RHOH: variants seen among roughly 807,000 people sequenced by gnomAD.
RHOH encodes the protein rho-related GTP-binding protein RhoH.
RHOH carries 6 observed loss-of-function variants against 13.8 expected under a neutral mutation model. The ratio of observed to expected loss-of-function variants is 0.44; its 90% CI spans 0.24 to 0.86. The LOEUF (loss-of-function observed/expected upper bound fraction) is 0.86. RHOH is among the 40% of genes least tolerant of loss of function. RHOH has a pLI of 0.24. For synonymous variants in RHOH, 117 were observed against 103.0 expected (o/e 1.14, Z -0.82); for missense variants, 147 against 244.5 (o/e 0.60, Z 2.66).
chr4:40,231,497 G>T (rs1332604548), intron 1 of RHOH, among the ~76,000 whole-genome samples: 1 of 152,046 alleles, frequency 6.6e-6, no homozygotes, highest in African/African-American at 2.4e-5. Flanking sequence ...TCCTGAAAGC[G>T]CTCTGTCTCT....
upstream of RHOH, among the ~76,000 whole-genome samples, chr4:40,191,567 T>G (rs1347107899): frequency 6.6e-6 from 1 of 152,210 alleles, no homozygotes; most frequent in African/African-American, 2.4e-5. Flanking sequence ...TGACAGACTT[T>G]TTAGAAAAAG....
chr4:40,192,413 G>A (rs991416338), upstream of RHOH, among the ~76,000 whole-genome samples: 6 of 152,162 alleles, frequency 3.9e-5, no homozygotes, highest in African/African-American at 1.4e-4. Flanking sequence ...CTAACCCAGC[G>A]TTGAAATAAT....
upstream of RHOH, among the ~76,000 whole-genome samples, chr4:40,194,539 GTTATTA>G (rs1560674593): frequency 1.3e-5 from 2 of 151,468 alleles, no homozygotes; most frequent in Admixed American, 6.6e-5. Flanking sequence ...TATTGTCATT[GTTATTA>G]TTAGTATTAT....
chr4:40,193,170 G>A (rs895279773), upstream of RHOH: 1 of 152,466 alleles, frequency 6.6e-6, no homozygotes, highest in Non-Finnish European at 1.5e-5. Flanking sequence ...GAGCCCTTGG[G>A]AGGGCACCTC....
intron 1 of RHOH, among the ~76,000 whole-genome samples, chr4:40,208,512 T>C (rs966566888): frequency 4.6e-5 from 7 of 152,218 alleles, no homozygotes; most frequent in Non-Finnish European, 8.8e-5. Flanking sequence ...AACAATATCA[T>C]CAGCCAGTCA....
At chr4:40,237,085 A>G (rs1233053946) in intron 1 of RHOH, among the ~76,000 whole-genome samples, 1 of 152,212 alleles carries the variant, frequency 6.6e-6, no homozygotes, top group Non-Finnish European at 1.5e-5. Flanking sequence ...TGGAGTGAAA[A>G]AGTTTAGAGA....
intron 1 of RHOH, among the ~76,000 whole-genome samples, chr4:40,229,062 G>A (rs541911564): frequency 2.0e-5 from 3 of 152,102 alleles, no homozygotes; most frequent in Admixed American, 6.6e-5. Flanking sequence ...TACTTCCCAG[G>A]AATAGATAGT....
chr4:40,236,395 A>G (rs1728573856), intron 1 of RHOH, among the ~76,000 whole-genome samples: 1 of 152,240 alleles, frequency 6.6e-6, no homozygotes, highest in Non-Finnish European at 1.5e-5. Flanking sequence ...TAGTACTTGG[A>G]AGATGTTCAA....
intron 1 of RHOH, among the ~76,000 whole-genome samples, chr4:40,198,697 C>T (rs77911388): frequency 0.024 from 3,618 of 152,292 alleles, 66 homozygotes; most frequent in South Asian, 0.089. Context: ...CCTCTGGTTT[C>T]TTCATTTTAA....
chr4:40,225,750 C>G (rs983423618), intron 1 of RHOH, among the ~76,000 whole-genome samples: 1 of 152,150 alleles, frequency 6.6e-6, no homozygotes, highest in African/African-American at 2.4e-5. Context: ...CACCCTCTGC[C>G]ACTGTTTTAG....
At chr4:40,205,773 G>C (rs904918783) in intron 1 of RHOH, 1 of 152,176 alleles carries the variant, frequency 6.6e-6, no homozygotes, top group African/African-American at 2.4e-5. Flanking sequence ...ATGAGAAAGA[G>C]AAACGCACTT....
rs1204464022 is a variant in RHOH at position 40,198,546 on chromosome 4, C to T, written c.-331+1246C>T. On this transcript the variant is annotated intron_variant, in intron 1 of 2. Transcript: ENST00000381799. ...TCCATGTGAGAGGGAGCTTGTCGAG[C>T]GTGGCCTCTTCCCACTTGGGGCTGC... Among the ~76,000 whole-genome samples the T allele has an allele frequency of 6.6e-5, 10 of 152,334 alleles. No homozygotes were observed. The South Asian group carries it at 1.4e-3, about 22-fold the overall frequency.
chr4:40,244,366 G>A lies in RHOH; in HGVS notation c.*404G>A, dbSNP rs974245377. ...TTGGAAAATCTTTTCCTACATCCTC[G>A]AAAACATAAACTCCTCTGTGAGTGA... On this transcript the variant is annotated 3_prime_UTR_variant, in exon 3 of 3. Transcript: ENST00000381799. 4 of 236,568 alleles carry A rather than the reference G, an allele frequency of 1.7e-5. No homozygotes were observed. Among genetic ancestry groups the A allele is most frequent in the Admixed American group, 5.7e-5 (1 of 17,604 alleles). The allele number at this position is 236,568 out of a possible 1,614,324, so 14.7% of individuals were successfully genotyped here. A position where few individuals can be genotyped will look rare whatever the true frequency, so the allele number is the denominator to read the frequency against.
intron 1 of RHOH, among the ~76,000 whole-genome samples, chr4:40,224,310 G>T (rs1368739747): frequency 1.3e-5 from 2 of 152,216 alleles, no homozygotes; most frequent in Non-Finnish European, 2.9e-5. Flanking sequence ...GGACCTTTCA[G>T]ATCTTTCCAG....
intron 1 of RHOH, among the ~76,000 whole-genome samples, chr4:40,228,570 TG>T (rs1180768411): frequency 6.6e-6 from 1 of 152,034 alleles, no homozygotes; most frequent in Non-Finnish European, 1.5e-5. Context: ...GGGTTGGGGA[TG>T]GGGGGAACCT....
chr4:40,231,684 C>T (rs1727965700), intron 1 of RHOH, among the ~76,000 whole-genome samples: 1 of 152,170 alleles, frequency 6.6e-6, no homozygotes. Context: ...GTTGCTGGGG[C>T]TTCTCTCCCT....
rs533907935 is a variant in RHOH, at chr4:40,213,389, T to A, written c.-331+16089T>A. On this transcript the variant is annotated intron_variant, in intron 1 of 2. Transcript: ENST00000381799. ...TTTTTTTTTTCTCTCTCTCTCTCTC[T>A]CACACACACACCCATCTTGGGCCAG... Among the ~76,000 whole-genome samples the A allele has an allele frequency of 1.8e-4, 27 of 149,876 alleles. No homozygotes were observed. The South Asian group carries it at 3.4e-3, about 19-fold the overall frequency.
At position 40,225,181 on chromosome 4, in the gene RHOH, G is replaced by A. The variant is rs553289224; in HGVS notation, c.-330-17533G>A. ...TAGGCTGGAGTGCACTGGCGAAATC[G>A]GCTCACTGCAACCTCCACCTCCCAG... On this transcript the variant is annotated intron_variant, in intron 1 of 2. Coordinates refer to ENST00000381799, the MANE Select transcript of RHOH (RefSeq NM_004310.5). Among the ~76,000 whole-genome samples, 5 of 152,102 alleles carry A rather than the reference G, an allele frequency of 3.3e-5. No homozygotes were observed. In the South Asian group the frequency reaches 1.0e-3, roughly 32 times the overall value.
chr4:40,224,975 T>TA (rs1214668294), intron 1 of RHOH, among the ~76,000 whole-genome samples: 3 of 152,240 alleles, frequency 2.0e-5, no homozygotes, highest in Non-Finnish European at 2.9e-5. Context: ...AGTGTTGTGA[T>TA]CATGGCTCAC....
Sources: allele counts gnomAD v4.1 joint callset (sites outside exome capture counted in the v4.1 genomes callset), GRCh38; gene constraint gnomAD v4.1.1; transcripts MANE v1.5; gene names NCBI Gene and HGNC (gene_info 2026-07-23, HGNC 2026-07-21).